Variants in WWC1 observed in about 807,000 individuals in gnomAD.
WWC1 encodes protein KIBRA.
Under a neutral mutation model 138.4 loss-of-function variants are expected in WWC1, and 55 were observed. The ratio of observed to expected loss-of-function variants is 0.40; its 90% CI spans 0.32 to 0.50. The LOEUF is 0.50. WWC1 is among the 20% of genes least tolerant of loss of function. The pLI is 0.72. For missense variants in WWC1, 1,226 were observed against 1,420.4 expected (o/e 0.86, Z 2.20); for synonymous variants, 524 against 564.9 (o/e 0.93, Z 1.03).
At chr5:168,448,398 G>A (rs929917516) in intron 17 of WWC1, among the ~76,000 whole-genome samples, 15 of 152,000 alleles carry the variant, frequency 9.9e-5, no homozygotes, top group African/African-American at 3.4e-4. Flanking sequence ...CAGAAAACTG[G>A]ATTTTTTTTT....
At chr5:168,447,701 G>T (rs1755402154) in intron 17 of WWC1, among the ~76,000 whole-genome samples, 1 of 151,932 alleles carries the variant, frequency 6.6e-6, no homozygotes, top group Non-Finnish European at 1.5e-5. Flanking sequence ...AGATGGCAAG[G>T]TTCCTGGAAT....
chr5:168,389,997 G>C (rs925931649), intron 3 of WWC1, among the ~76,000 whole-genome samples: 1 of 152,106 alleles, frequency 6.6e-6, no homozygotes, highest in Non-Finnish European at 1.5e-5. Flanking sequence ...CATATTAATG[G>C]CTCAATAAAT....
intron 3 of WWC1, among the ~76,000 whole-genome samples, chr5:168,387,846 C>T (rs1306895629): frequency 3.9e-5 from 6 of 152,104 alleles, no homozygotes; most frequent in African/African-American, 1.2e-4. Flanking sequence ...TTTGTTAAGA[C>T]GGTCCTGGAA....
chr5:168,453,876 G>A, intron 17 of WWC1, 92 bp from the exon 18 acceptor site: 1 of 1,570,158 alleles, frequency 6.4e-7, no homozygotes, highest in Non-Finnish European at 8.6e-7. Flanking sequence ...ATCATCAAAA[G>A]GATTGGAAGC....
At chr5:168,383,261 A>G (rs1250220281) in intron 2 of WWC1, among the ~76,000 whole-genome samples, 1 of 152,130 alleles carries the variant, frequency 6.6e-6, no homozygotes, top group African/African-American at 2.4e-5. Flanking sequence ...TTTGGGTTTT[A>G]CTTTCACTAT....
intron 6 of WWC1, among the ~76,000 whole-genome samples, chr5:168,406,712 C>A (rs938005930): frequency 6.6e-6 from 1 of 151,994 alleles, no homozygotes; most frequent in Non-Finnish European, 1.5e-5. Flanking sequence ...GAGGCTGAGG[C>A]GGGCGGATCA....
intron 2 of WWC1, among the ~76,000 whole-genome samples, chr5:168,376,834 A>G (rs1287371219): frequency 2.6e-5 from 4 of 152,260 alleles, no homozygotes; most frequent in Non-Finnish European, 4.4e-5. Flanking sequence ...AAGAATCAAT[A>G]TTGTTTAAAT....
chr5:168,454,940 C>G (rs1381200256), intron 18 of WWC1, among the ~76,000 whole-genome samples: 1 of 152,180 alleles, frequency 6.6e-6, no homozygotes, highest in Non-Finnish European at 1.5e-5. Context: ...CTTCAGAATT[C>G]GATGAAAGCA....
intron 1 of WWC1, among the ~76,000 whole-genome samples, chr5:168,299,698 G>C (rs1201550297): frequency 6.6e-6 from 1 of 152,226 alleles, no homozygotes; most frequent in African/African-American, 2.4e-5. Flanking sequence ...GGTTGCCTTA[G>C]TTACCTGGAA....
At chr5:168,344,154 G>A (rs75963112) in intron 1 of WWC1, among the ~76,000 whole-genome samples, 2,739 of 152,308 alleles carry the variant, frequency 0.018, 85 homozygotes, top group African/African-American at 0.062. Flanking sequence ...TGTATTGATT[G>A]TCACTGTTTT....
chr5:168,310,755 T>C (rs1770998584), intron 1 of WWC1, among the ~76,000 whole-genome samples: 1 of 151,516 alleles, frequency 6.6e-6, no homozygotes, highest in Non-Finnish European at 1.5e-5. Flanking sequence ...GAAGGATCAC[T>C]TGGACCCAGG....
At chr5:168,436,545 G>A (rs1419165790) in intron 15 of WWC1, among the ~76,000 whole-genome samples, 1 of 152,064 alleles carries the variant, frequency 6.6e-6, no homozygotes, top group African/African-American at 2.4e-5. Context: ...TATCTCCACT[G>A]CCTGTTCTGC....
intron 1 of WWC1, among the ~76,000 whole-genome samples, chr5:168,332,182 A>T (rs538489004): frequency 1.3e-5 from 2 of 151,998 alleles, no homozygotes; most frequent in Non-Finnish European, 2.9e-5. Context: ...ATGCCTTAAC[A>T]TTCAGTAGCA....
At chr5:168,314,453 G>A (rs1476561217) in intron 1 of WWC1, among the ~76,000 whole-genome samples, 3 of 152,220 alleles carry the variant, frequency 2.0e-5, no homozygotes, top group Admixed American at 6.5e-5. Flanking sequence ...TGTAATCCCA[G>A]CTACTCAGGA....
At chr5:168,384,748 C>T (rs1363755754) in intron 2 of WWC1, among the ~76,000 whole-genome samples, 4 of 126,850 alleles carry the variant, frequency 3.2e-5, no homozygotes, top group African/African-American at 1.2e-4. Flanking sequence ...GACAGAGTCT[C>T]ATTATGTCAT....
chr5:168,350,655 G>A (rs1032618892), intron 1 of WWC1, among the ~76,000 whole-genome samples: 8 of 152,250 alleles, frequency 5.3e-5, no homozygotes, highest in African/African-American at 1.4e-4. Flanking sequence ...GGAAAAGGAC[G>A]TGGAAGAAAG....
At chr5:168,448,560 G>A (rs571660758) in intron 17 of WWC1, among the ~76,000 whole-genome samples, 4 of 151,618 alleles carry the variant, frequency 2.6e-5, no homozygotes, top group Non-Finnish European at 4.4e-5. Flanking sequence ...TTGCTGGATC[G>A]CAGGGTGTGT....
At chr5:168,371,129 A>C (rs1290417331) in intron 1 of WWC1, among the ~76,000 whole-genome samples, 3 of 152,224 alleles carry the variant, frequency 2.0e-5, no homozygotes, top group Non-Finnish European at 4.4e-5. Context: ...AGAGTTGCAG[A>C]AACAGAGGCC....
chr5:168,301,598 A>G (rs1385320089), intron 1 of WWC1, among the ~76,000 whole-genome samples: 3 of 150,332 alleles, frequency 2.0e-5, no homozygotes, highest in East Asian at 2.0e-4. Context: ...AGATTGTGCT[A>G]TTGCACTCCA....
Sources: gnomAD v4.1 joint callset for allele counts (sites outside exome capture counted in the v4.1 genomes callset) on GRCh38, gnomAD v4.1.1 for gene constraint, MANE v1.5 for transcripts, NCBI Gene and HGNC (gene_info 2026-07-23, HGNC 2026-07-21) for gene names.